Variants in PLD5 observed in about 807,000 individuals in gnomAD.
PLD5 encodes the protein phospholipase D family member 5.
In PLD5, 36 loss-of-function variants were observed where a neutral mutation model predicts 61.1. That is an observed-to-expected ratio of 0.59 (90% CI 0.45 to 0.78). PLD5 has a LOEUF of 0.78. Among genes scored for constraint, PLD5 ranks in the 30% least tolerant of loss-of-function variants. The pLI is 0.00. For missense variants in PLD5, 515 were observed against 644.4 expected, an observed-to-expected ratio of 0.80 and a Z score of 2.17; for synonymous variants, 243 against 242.8, an observed-to-expected ratio of 1.00 and a Z score of -0.01.
chr1:242,395,375 C>T (rs1343133675), intron 1 of PLD5, among the ~76,000 whole-genome samples: 3 of 151,996 alleles, frequency 2.0e-5, no homozygotes, highest in South Asian at 4.1e-4. Context: ...TGCCTGAGTA[C>T]CTGCTAACTA....
chr1:242,293,842 C>T (rs567243311), intron 2 of PLD5, among the ~76,000 whole-genome samples: 25 of 152,252 alleles, frequency 1.6e-4, no homozygotes, highest in Middle Eastern at 3.4e-3. Flanking sequence ...CCTTCTGGGA[C>T]GCATGGCTGT....
chr1:242,124,545 T>G lies in PLD5; in HGVS notation c.856A>C (p.Arg286=), dbSNP rs1418677985. The change falls in exon 6 of 10, where the codon AGA becomes CGA. Residue 286 remains arginine, a synonymous_variant. Transcript: ENST00000536534. ...KSRVPQTWSK[R]LYGVYDNEKK... ...TCATTGTCATAGACTCCATAGAGTC[T>G]TTTGGACCAGGTTTGAGGCACTCTG... The G allele has an allele frequency of 6.2e-7, 1 of 1,614,020 alleles. No homozygotes were observed. Among genetic ancestry groups the G allele is most frequent in the Non-Finnish European group, 8.5e-7 (1 of 1,180,008 alleles).
intron 4 of PLD5, among the ~76,000 whole-genome samples, chr1:242,250,409 G>C (rs182335675): frequency 3.5e-4 from 53 of 152,320 alleles, no homozygotes; most frequent in African/African-American, 1.3e-3. Context: ...AGGGGAATGG[G>C]GAAGGGCAGA....
At chr1:242,407,738 C>T (rs1235157693) in intron 1 of PLD5, among the ~76,000 whole-genome samples, 2 of 151,876 alleles carry the variant, frequency 1.3e-5, no homozygotes, top group South Asian at 2.1e-4. Flanking sequence ...GCCACCACAC[C>T]TGGCTAATTT....
chr1:242,438,710 G>A (rs989658766), intron 1 of PLD5, among the ~76,000 whole-genome samples: 2 of 152,182 alleles, frequency 1.3e-5, no homozygotes, highest in Non-Finnish European at 2.9e-5. Context: ...TTACAGGCGT[G>A]AGCCACCGCA....
At chr1:242,395,043 G>GAATATATATGAT in intron 1 of PLD5, among the ~76,000 whole-genome samples, 1 of 67,462 alleles carries the variant, frequency 1.5e-5, no homozygotes, top group East Asian at 3.4e-4. Flanking sequence ...GAATGTATAT[G>GAATATATATGAT]TATATATGAA....
intron 1 of PLD5, among the ~76,000 whole-genome samples, chr1:242,357,650 T>C (rs927620581): frequency 2.3e-4 from 35 of 152,022 alleles, no homozygotes; most frequent in African/African-American, 7.3e-4. Context: ...CACACCTGGC[T>C]AATTTTTTGT....
At chr1:242,228,789 C>T (rs533153317) in intron 4 of PLD5, among the ~76,000 whole-genome samples, 2 of 152,150 alleles carry the variant, frequency 1.3e-5, no homozygotes, top group Admixed American at 6.6e-5. Flanking sequence ...CTGTCCTCGT[C>T]CTCGCAACAG....
chr1:242,241,887 A>ACTTACTG (rs370831763), intron 4 of PLD5, among the ~76,000 whole-genome samples: 2 of 33,640 alleles, frequency 5.9e-5, no homozygotes, highest in African/African-American at 1.1e-4. Context: ...ATATATATAT[A>ACTTACTG]TATATATATA....
At chr1:242,263,469 G>A (rs1482235861) in intron 4 of PLD5, among the ~76,000 whole-genome samples, 2 of 150,430 alleles carry the variant, frequency 1.3e-5, no homozygotes, top group Non-Finnish European at 2.9e-5. Flanking sequence ...GTCTACCAAA[G>A]GATGAGAGTA....
At chr1:242,298,769 TACTG>T (rs1675860052) in intron 2 of PLD5, among the ~76,000 whole-genome samples, 1 of 152,128 alleles carries the variant, frequency 6.6e-6, no homozygotes, top group African/African-American at 2.4e-5. Flanking sequence ...CTGCCAATCT[TACTG>T]ACCAGGAAAA....
intron 4 of PLD5, among the ~76,000 whole-genome samples, chr1:242,241,869 CTATATATATATATATATATATA>C (rs752113161): frequency 1.3e-3 from 90 of 70,862 alleles, no homozygotes; most frequent in South Asian, 2.6e-3. Flanking sequence ...GCTTTACTTA[CTATATATATATATATATATATA>C]TATATATATA....
chr1:242,313,794 T>C (rs6690240), intron 2 of PLD5, among the ~76,000 whole-genome samples: 27,765 of 111,722 alleles, frequency 0.25, 2,919 homozygotes, highest in East Asian at 0.48. Context: ...TCTGTTTTTA[T>C]AGAGAATGTG....
At chr1:242,115,229 C>T (rs1187720362) in intron 6 of PLD5, among the ~76,000 whole-genome samples, 3 of 151,968 alleles carry the variant, frequency 2.0e-5, no homozygotes, top group Admixed American at 6.6e-5. Context: ...AATGTGATGC[C>T]CTTCAATCAT....
chr1:242,099,404 C>T (rs558554388), intron 9 of PLD5, among the ~76,000 whole-genome samples: 16 of 152,228 alleles, frequency 1.1e-4, no homozygotes, highest in African/African-American at 3.6e-4. Context: ...CTGGGATTAC[C>T]GTGTGAACCA....
At chr1:242,403,962 T>A (rs1664085001) in intron 1 of PLD5, among the ~76,000 whole-genome samples, 1 of 152,134 alleles carries the variant, frequency 6.6e-6, no homozygotes, top group Non-Finnish European at 1.5e-5. Context: ...GAATCTAGCA[T>A]CCCCCACCTC....
At chr1:242,377,124 G>A (rs1171193784) in intron 1 of PLD5, 13 of 1,611,626 alleles carry the variant, frequency 8.1e-6, no homozygotes, top group African/African-American at 1.3e-5. Flanking sequence ...ATTTTGCTTG[G>A]ACACTGGCTG....
At chr1:242,449,292 GA>G (rs1283090149) in intron 1 of PLD5, 21 of 1,533,966 alleles carry the variant, frequency 1.4e-5, no homozygotes, top group Non-Finnish European at 1.8e-5. Context: ...TTCACCAGCA[GA>G]GGCTAAGAAT....
chr1:242,175,928 A>G (rs965859409), intron 5 of PLD5, among the ~76,000 whole-genome samples: 2 of 152,234 alleles, frequency 1.3e-5, no homozygotes, highest in Non-Finnish European at 2.9e-5. Flanking sequence ...GCTCAAGGAA[A>G]TAAGAGAGGA....
Sources: allele counts gnomAD v4.1 joint callset (sites outside exome capture counted in the v4.1 genomes callset), GRCh38; gene constraint gnomAD v4.1.1; transcripts MANE v1.5; gene names NCBI Gene and HGNC (gene_info 2026-07-23, HGNC 2026-07-21).